Variants in CLCA1 observed in about 807,000 individuals in gnomAD.
The protein encoded by CLCA1 is chloride channel accessory 1.
A neutral mutation model predicts 85.6 loss-of-function variants in CLCA1; 59 were observed. That is an observed-to-expected ratio of 0.69 (90% CI 0.56 to 0.86). CLCA1 has a LOEUF of 0.86. Ranked by LOEUF, CLCA1 falls within the 40% of genes least tolerant of loss-of-function variation. The pLI is 0.00. For synonymous variants in CLCA1, 396 were observed against 398.3 expected (o/e 0.99, Z 0.07); for missense variants, 1,022 against 1,101.4 (o/e 0.93, Z 1.02).
intron 11 of CLCA1, among the ~76,000 whole-genome samples, chr1:86,495,049 A>C (rs1211039849): frequency 6.6e-6 from 1 of 152,034 alleles, no homozygotes; most frequent in African/African-American, 2.4e-5. Flanking sequence ...AAAAAAAAAA[A>C]AAAAACATGT....
chr1:86,485,254 G>A (rs905855647), intron 5 of CLCA1, 89 bp from the exon 6 acceptor site: 3 of 949,776 alleles, frequency 3.2e-6, no homozygotes, highest in African/African-American at 3.3e-5. Flanking sequence ...CCAAGGTTAT[G>A]CATTAGCAGA....
At chr1:86,478,610 C>T (rs939512177) in intron 4 of CLCA1, among the ~76,000 whole-genome samples, 3 of 152,214 alleles carry the variant, frequency 2.0e-5, no homozygotes, top group African/African-American at 7.2e-5. Context: ...CCATTCCAAA[C>T]CTGATATCTC....
rs758929061 is a variant in CLCA1 at position 86,485,410 on chromosome 1, A to G, written c.803A>G (p.Asn268Ser). The G allele has an allele frequency of 6.2e-6, 10 of 1,614,132 alleles. No individual in the cohort carries two copies. The highest frequency in any genetic ancestry group is 4.5e-5 in the East Asian group (2 of 44,896). Reference protein sequence around the residue: ...EAPNKQNQKCNLRSTWEVIRD... With the variant: ...EAPNKQNQKCSLRSTWEVIRD... Reference sequence around the variant, plus strand: ...CCAAACAAGCAAAATCAAAAATGCAATCTCCGAAGCACATGGGAAGTGATC... The same window carrying G: ...CCAAACAAGCAAAATCAAAAATGCAGTCTCCGAAGCACATGGGAAGTGATC... The change falls in exon 6 of 14, where the codon AAT becomes AGT. Residue 268 changes from asparagine (N) to serine (S), a missense_variant. Physicochemically the swap from Asn to Ser is conservative, Grantham distance 46. Coordinates refer to ENST00000394711, the MANE Select transcript of CLCA1 (RefSeq NM_001285.4).
intron 8 of CLCA1, 99 bp downstream of exon 8, chr1:86,489,269 T>C (rs1050808811): frequency 7.8e-6 from 9 of 1,153,646 alleles, no homozygotes; most frequent in African/African-American, 6.2e-5. Flanking sequence ...TGGAGAGAGA[T>C]AGGATAACCT....
chr1:86,473,605 A>G (rs759530866), intron 2 of CLCA1, 48 bp downstream of exon 2: 1 of 1,507,536 alleles, frequency 6.6e-7, no homozygotes, highest in Non-Finnish European at 9.0e-7. Context: ...TCCTGTAACC[A>G]AGATTTTTTA....
chr1:86,489,099 G>A lies in CLCA1; in HGVS notation c.1286G>A (p.Gly429Asp). The A allele has an allele frequency of 6.2e-7, 1 of 1,614,102 alleles. No individual in the cohort carries two copies. The highest frequency in any genetic ancestry group is 8.5e-7 in the Non-Finnish European group (1 of 1,180,018). Residue 429 changes from glycine (G) to aspartate (D), a missense_variant, in exon 8 of 14, where the codon GGT becomes GAT. Coordinates refer to ENST00000394711, the MANE Select transcript of CLCA1 (RefSeq NM_001285.4). ...SGCFNEVKQSGAIIHTVALGP... is the reference protein window; with the variant it reads ...SGCFNEVKQSDAIIHTVALGP... ...TGCTTTAACGAGGTCAAACAAAGTGGTGCCATCATCCACACAGTCGCTTTG... is the reference window on the plus strand; with the variant it reads ...TGCTTTAACGAGGTCAAACAAAGTGATGCCATCATCCACACAGTCGCTTTG...
intron 5 of CLCA1, 31 bp from the exon 6 acceptor site, chr1:86,485,312 A>G (rs200198063): frequency 6.9e-5 from 103 of 1,496,476 alleles, no homozygotes; most frequent in Non-Finnish European, 9.0e-5. Flanking sequence ...ATAGTTTACC[A>G]TTATCTATAT....
At chr1:86,482,574 G>A (rs1371433938) in intron 5 of CLCA1, among the ~76,000 whole-genome samples, 192 bp downstream of exon 5, 2 of 152,104 alleles carry the variant, frequency 1.3e-5, no homozygotes, top group Non-Finnish European at 2.9e-5. Context: ...TCGTGTCCAC[G>A]CTTTCTTCTC....
At chr1:86,495,477 T>C in intron 11 of CLCA1, 28 bp from the exon 12 acceptor site, 1 of 1,576,636 alleles carries the variant, frequency 6.3e-7, no homozygotes, top group South Asian at 1.1e-5. Flanking sequence ...CCGTTACCTA[T>C]TTATTAATTC....
intron 6 of CLCA1, among the ~76,000 whole-genome samples, chr1:86,486,017 GGAGAGAGA>G (rs35497869): frequency 5.8e-4 from 86 of 147,410 alleles, no homozygotes; most frequent in African/African-American, 1.7e-3. Flanking sequence ...CATGGCAGCA[GGAGAGAGA>G]GAGAGAGAGA....
chr1:86,474,569 G>A (rs1647596474), intron 3 of CLCA1, among the ~76,000 whole-genome samples: 1 of 151,672 alleles, frequency 6.6e-6, no homozygotes, highest in African/African-American at 2.4e-5. Context: ...AAAAAAAAGG[G>A]GGGGGATTCT....
chr1:86,471,585 A>T (rs930287263), intron 1 of CLCA1, among the ~76,000 whole-genome samples: 1 of 152,226 alleles, frequency 6.6e-6, no homozygotes, highest in Admixed American at 6.5e-5. Context: ...CACAAGTCAA[A>T]TGGTAAAACA....
Position 86,486,762 on chromosome 1 carries a change from T to C in CLCA1, c.1182+9T>C. The stretch of plus-strand genomic sequence containing the variant: ...TTCGATCGGCATTTACTGTGAGATG[T>C]GTTTTTCTATTGTAGTTTGGAATGT... On this transcript the variant is annotated intron_variant, in intron 7 of 13. Transcript: ENST00000394711. The C allele has an allele frequency of 1.2e-6, 2 of 1,611,824 alleles. No individual in the cohort carries two copies. The highest frequency in any genetic ancestry group is 1.1e-5 in the South Asian group (1 of 91,036).
intron 3 of CLCA1, among the ~76,000 whole-genome samples, chr1:86,476,011 G>C (rs926066): frequency 6.6e-6 from 1 of 152,212 alleles, no homozygotes; most frequent in South Asian, 2.1e-4. Flanking sequence ...GGAGTAAGCA[G>C]ACCTTGAGGT....
rs142001805 is a variant in CLCA1 at position 86,499,660 on chromosome 1, A to G, written c.2360A>G (p.Lys787Arg). ...TCTTCTTTTTTCTTTTTAGCTCACAAGTATATCATTCGAATAAGTACAAGT... is the reference window on the plus strand; with the variant it reads ...TCTTCTTTTTTCTTTTTAGCTCACAGGTATATCATTCGAATAAGTACAAGT... ...GDDYDHGTAH[K>R]YIIRISTSIL... The change falls in exon 14 of 14, where the codon AAG becomes AGG. Residue 787 changes from lysine to arginine, a missense_variant. Coordinates refer to ENST00000394711, the MANE Select transcript of CLCA1 (RefSeq NM_001285.4). The G allele has an allele frequency of 2.8e-4, 441 of 1,574,404 alleles. 1 individual carries two copies. The African/African-American group carries it at 5.4e-3, about 19-fold the overall frequency.
intron 4 of CLCA1, among the ~76,000 whole-genome samples, chr1:86,478,146 G>A (rs1647722884): frequency 6.6e-6 from 1 of 152,074 alleles, no homozygotes; most frequent in Non-Finnish European, 1.5e-5. Context: ...GACATCAAGT[G>A]GGCCGGGCAT....
At position 86,486,679 on chromosome 1, in the gene CLCA1, A is replaced by G; in HGVS notation, c.1108A>G (p.Thr370Ala). ...GATAAACAGTGGCAGTGACAGGGAC[A>G]CACTCGCCAAAAGATTACCTGCAGC... ...IQINSGSDRD[T>A]LAKRLPAAAS... The change falls in exon 7 of 14, where the codon ACA becomes GCA. Residue 370 changes from threonine (T) to alanine (A), a missense_variant. Physicochemically the swap from Thr to Ala is moderately conservative, Grantham distance 58. Coordinates refer to ENST00000394711, the MANE Select transcript of CLCA1 (RefSeq NM_001285.4). 6.2e-7 allele frequency: 1 copy of G among 1,614,200 alleles called. No individual in the cohort carries two copies. The highest frequency in any genetic ancestry group is 8.5e-7 in the Non-Finnish European group (1 of 1,180,024).
At chr1:86,484,026 A>G (rs979984431) in intron 5 of CLCA1, among the ~76,000 whole-genome samples, 2 of 152,202 alleles carry the variant, frequency 1.3e-5, no homozygotes, top group Non-Finnish European at 2.9e-5. Context: ...TTACAAAATC[A>G]TCAGATTACG....
rs757796481 is a variant in CLCA1, at chr1:86,473,526, A to G, written c.272A>G (p.Tyr91Cys). The G allele has an allele frequency of 1.2e-6, 2 of 1,608,224 alleles. No individual in the cohort carries two copies. Among genetic ancestry groups the G allele is most frequent in the Non-Finnish European group, 1.7e-6 (2 of 1,177,264 alleles). The change falls in exon 2 of 14, where the codon TAT becomes TGT. Residue 91 changes from tyrosine (Y) to cysteine (C), a missense_variant. Physicochemically the swap from Tyr to Cys is radical, Grantham distance 194 (BLOSUM62 -2). Transcript: ENST00000394711. The part of the protein sequence containing the change: ...IPETWKTKAD[Y>C]VRPKLETYKN... ...GAAACATGGAAGACAAAGGCTGACT[A>G]TGTGAGACCAAAACTTGAGACCTAC...
Sources: gnomAD v4.1 joint callset for allele counts (sites outside exome capture counted in the v4.1 genomes callset) on GRCh38, gnomAD v4.1.1 for gene constraint, MANE v1.5 for transcripts, NCBI Gene and HGNC (gene_info 2026-07-23, HGNC 2026-07-21) for gene names.